The following PNPLA7 variants were observed in gnomAD, a reference collection of about 807,000 sequenced individuals.
PNPLA7 encodes the protein patatin-like phospholipase domain-containing protein 7.
A neutral mutation model predicts 161.7 loss-of-function variants in PNPLA7; 153 were observed. That is an observed-to-expected ratio of 0.95 (90% CI 0.83 to 1.08). The LOEUF is 1.08. PNPLA7 is among the 50% of genes least tolerant of loss of function. The pLI, the probability that PNPLA7 is intolerant of heterozygous loss-of-function variation, is 0.00. For missense variants in PNPLA7, 1,739 were observed against 1,856.6 expected (o/e 0.94, Z 1.16); for synonymous variants, 809 against 782.1 (o/e 1.03, Z -0.57).
At position 137,490,637 on chromosome 9, in the gene PNPLA7, C is replaced by T. The variant is rs1049502228; in HGVS notation, c.2197+2376G>A. Among the ~76,000 whole-genome samples, 1 of 152,192 alleles carries T rather than the reference C, an allele frequency of 6.6e-6. No homozygotes were observed. The highest frequency in any genetic ancestry group is 2.4e-5 in the African/African-American group (1 of 41,446). ...AGATGAGGGAAAGCAAGCGGATCTG[C>T]AGCCATCAGACCTTCTCTGAAAGAA... On this transcript the variant is annotated intron_variant, in intron 20 of 34. Coordinates refer to ENST00000406427, the MANE Select transcript of PNPLA7 (RefSeq NM_001098537.3). This position sits in a 1 kb window ranked among gnomAD's most constrained non-coding sequence, Gnocchi z 4.1.
At chr9:137,521,528 G>C in intron 10 of PNPLA7, 108 bp downstream of exon 10, 1 of 1,039,360 alleles carries the variant, frequency 9.6e-7, no homozygotes, top group Non-Finnish European at 1.4e-6. Flanking sequence ...CACAGCTGTT[G>C]CTGGCACTGC....
At position 137,481,175 on chromosome 9, in the gene PNPLA7, C is replaced by G; in HGVS notation, c.2348-152G>C. On this transcript the variant is annotated intron_variant, in intron 21 of 34. Transcript: ENST00000406427. ...GAGGAAGGCAGTGAGAGTCCACTCC[C>G]CAACCCCAAGGTCTGCTCCCCTTGA... is the stretch of plus-strand genomic sequence containing the variant. 4.1e-5 allele frequency: 32 copies of G among 784,806 alleles called. 1 individual carries two copies. In the South Asian group the frequency reaches 4.9e-4, roughly 12 times the overall value. The allele number at this position is 784,806 out of a possible 1,614,324, so 48.6% of individuals were successfully genotyped here. A position where few individuals can be genotyped will look rare whatever the true frequency, so the allele number is the denominator to read the frequency against.
chr9:137,536,684 G>T (rs1408560094), intron 8 of PNPLA7, among the ~76,000 whole-genome samples: 2 of 152,200 alleles, frequency 1.3e-5, no homozygotes, highest in Non-Finnish European at 2.9e-5. Flanking sequence ...TATCCATGAA[G>T]TCGAAAGAAC....
chr9:137,464,268 G>C (rs570706570), intron 27 of PNPLA7, 72 bp downstream of exon 27: 1 of 1,608,256 alleles, frequency 6.2e-7, no homozygotes, highest in African/African-American at 1.3e-5. Flanking sequence ...GGCTGACCCA[G>C]GGCCAAGAGG....
At chr9:137,488,696 A>C (rs1487333576) in intron 20 of PNPLA7, among the ~76,000 whole-genome samples, 1 of 151,928 alleles carries the variant, frequency 6.6e-6, no homozygotes, top group African/African-American at 2.4e-5. Flanking sequence ...GACTGGCACC[A>C]AGCAAGCACC....
At chr9:137,484,488 C>T in intron 21 of PNPLA7, 99 bp downstream of exon 21, 1 of 1,338,576 alleles carries the variant, frequency 7.5e-7, no homozygotes. Context: ...CCCTGCCCAC[C>T]CACCGCCGCG....
At chr9:137,511,101 C>A (rs1834202748) in intron 12 of PNPLA7, among the ~76,000 whole-genome samples, 1 of 152,250 alleles carries the variant, frequency 6.6e-6, no homozygotes, top group Non-Finnish European at 1.5e-5. Flanking sequence ...CGCTTGAGGG[C>A]TCCTTGGTCT....
At position 137,547,032 on chromosome 9, in the gene PNPLA7, C is replaced by A; in HGVS notation, c.194-123G>T. ...CCAGTAACTGGCCATACTCAGACAGCATGAGGGAAGAGGGCCTGAGTGACA... is the reference window on the plus strand; with the variant it reads ...CCAGTAACTGGCCATACTCAGACAGAATGAGGGAAGAGGGCCTGAGTGACA... On this transcript the variant is annotated intron_variant, in intron 3 of 34. Transcript: ENST00000406427. The surrounding 1 kb of genome is among the most constrained non-coding windows in gnomAD (Gnocchi z 4.6). 1.1e-6 allele frequency: 1 copy of A among 931,830 alleles called. No individual in the cohort carries two copies. Among genetic ancestry groups the A allele is most frequent in the South Asian group, 1.5e-5 (1 of 67,064 alleles). The allele number at this position is 931,830 out of a possible 1,614,324, so 57.7% of individuals were successfully genotyped here. A position where few individuals can be genotyped will look rare whatever the true frequency, so the allele number is the denominator to read the frequency against.
intron 27 of PNPLA7, 67 bp from the exon 28 acceptor site, chr9:137,464,262 G>A (rs1203427671): frequency 1.2e-6 from 2 of 1,607,974 alleles, no homozygotes; most frequent in Non-Finnish European, 1.7e-6. Flanking sequence ...TGGGGAGGCT[G>A]ACCCAGGGCC....
At chr9:137,518,645 TC>T (rs1834792560) in intron 11 of PNPLA7, among the ~76,000 whole-genome samples, 1 of 65,692 alleles carries the variant, frequency 1.5e-5, no homozygotes, top group Non-Finnish European at 3.0e-5. Context: ...GCTCACTCCA[TC>T]CCCCACTCAC....
At chr9:137,510,670 T>C (rs1208048246) in intron 12 of PNPLA7, among the ~76,000 whole-genome samples, 1 of 152,206 alleles carries the variant, frequency 6.6e-6, no homozygotes, top group Non-Finnish European at 1.5e-5. Context: ...CGGGCCCAGC[T>C]GCCTTTTCTC....
At position 137,462,036 on chromosome 9, in the gene PNPLA7, C is replaced by T. The variant is rs780478013; in HGVS notation, c.3651G>A (p.Val1217=). The T allele has an allele frequency of 1.4e-5, 22 of 1,593,318 alleles. No individual in the cohort carries two copies. The highest frequency in any genetic ancestry group is 1.7e-4 in the Middle Eastern group (1 of 6,036). ...DFGKFNEICE[V]GYQHGRTVFD... ...ACACCGTGCGCCCGTGCTGGTAGCC[C>T]ACTTCCTGTGCACACCCCCAGGGCC... The change falls in exon 32 of 35, where the codon GTG becomes GTA. Residue 1217 remains valine, a synonymous_variant. Coordinates refer to ENST00000406427, the MANE Select transcript of PNPLA7 (RefSeq NM_001098537.3).
chr9:137,508,968 C>A (rs1353873952), intron 12 of PNPLA7: 1 of 152,282 alleles, frequency 6.6e-6, no homozygotes, highest in Non-Finnish European at 1.5e-5. Context: ...ATCAAGAAGA[C>A]AGAATCAGAG....
At chr9:137,494,959 G>A (rs932979135) in intron 19 of PNPLA7, 74 bp downstream of exon 19, 13 of 1,361,386 alleles carry the variant, frequency 9.5e-6, no homozygotes, top group South Asian at 5.0e-5. Context: ...CACCCGCTCC[G>A]CCCTCACCTG....
intron 13 of PNPLA7, 81 bp downstream of exon 13, chr9:137,505,902 C>T (rs1371243579): frequency 2.9e-5 from 45 of 1,529,862 alleles, no homozygotes; most frequent in Middle Eastern, 1.8e-4. Flanking sequence ...ACACCAAAGC[C>T]GGCGGCGCCC....
At chr9:137,472,934 G>A (rs545656372) in intron 25 of PNPLA7, among the ~76,000 whole-genome samples, 46 of 150,946 alleles carry the variant, frequency 3.0e-4, no homozygotes, top group African/African-American at 1.1e-3. Flanking sequence ...CAGCCTGGGC[G>A]ACAGAGCAAG....
intron 14 of PNPLA7, among the ~76,000 whole-genome samples, chr9:137,503,796 A>AAGGG (rs1564324389): frequency 0.13 from 45 of 336 alleles, 3 homozygotes; most frequent in Non-Finnish European, 0.24. Flanking sequence ...GAGAATGAAG[A>AAGGG]AGAAGGAAGA....
intron 11 of PNPLA7, among the ~76,000 whole-genome samples, chr9:137,517,341 C>T (rs1353910717): frequency 1.4e-4 from 13 of 95,714 alleles, no homozygotes; most frequent in South Asian, 3.9e-4. Context: ...ACTCCATCCC[C>T]CACTCACTCA....
rs1441017086 is a variant in PNPLA7, at chr9:137,486,099, C to T, written c.2198-1363G>A. On this transcript the variant is annotated intron_variant, in intron 20 of 34. Transcript: ENST00000406427. This position sits in a 1 kb window ranked among gnomAD's most constrained non-coding sequence, Gnocchi z 6.0. ...GTGGCCCAGCCCTCTCACAGGCTGT[C>T]CCCTGGCCTATGTCTCCCGTCCCCA... Among the ~76,000 whole-genome samples, 3 of 152,040 alleles carry T rather than the reference C, an allele frequency of 2.0e-5. No homozygotes were observed. Among genetic ancestry groups the T allele is most frequent in the African/African-American group, 7.3e-5 (3 of 41,362 alleles).
Sources: gnomAD v4.1 joint callset for allele counts (sites outside exome capture counted in the v4.1 genomes callset) on GRCh38, gnomAD v4.1.1 for gene constraint, Gnocchi (gnomAD v3.1) non-coding constraint, MANE v1.5 for transcripts, NCBI Gene and HGNC (gene_info 2026-07-23, HGNC 2026-07-21) for gene names.